IL2RB: variants seen among roughly 807,000 people sequenced by gnomAD.
IL2RB encodes the protein interleukin 2 receptor subunit beta.
In IL2RB, 17 loss-of-function variants were observed where a neutral mutation model predicts 44.2. That is an observed-to-expected ratio of 0.38 (90% CI 0.26 to 0.58). IL2RB has a LOEUF of 0.58. Among genes scored for constraint, IL2RB ranks in the 20% least tolerant of loss-of-function variants. IL2RB has a pLI of 0.63. For missense variants in IL2RB, 624 were observed against 685.5 expected, an observed-to-expected ratio of 0.91 and a Z score of 1.00; for synonymous variants, 286 against 297.9, an observed-to-expected ratio of 0.96 and a Z score of 0.41.
intron 1 of IL2RB, among the ~76,000 whole-genome samples, chr22:37,164,337 C>A (rs1922992448): frequency 4.6e-5 from 7 of 152,030 alleles, no homozygotes; most frequent in Admixed American, 4.6e-4. Flanking sequence ...GAGGAGGGGG[C>A]ACGGGGGTGC....
In IL2RB at chr22:37,128,908, C is replaced by A; in HGVS notation, c.904-60G>T. The A allele has an allele frequency of 6.5e-7, 1 of 1,529,498 alleles. No individual in the cohort carries two copies. Among genetic ancestry groups the A allele is most frequent in the South Asian group, 1.3e-5 (1 of 78,258 alleles). 94.7% of individuals were successfully genotyped at this position (1,529,498 alleles called of 1,614,324 possible). A position where few individuals can be genotyped will look rare whatever the true frequency, so the allele number is the denominator to read the frequency against. ...GGCTTCCTTCACCCTCCACCCCTTCCTCTGGACTCTCAACAGCTCCTAACT... is the reference window on the plus strand; with the variant it reads ...GGCTTCCTTCACCCTCCACCCCTTCATCTGGACTCTCAACAGCTCCTAACT... On this transcript the variant is annotated intron_variant, in intron 9 of 9. Coordinates refer to ENST00000216223, the MANE Select transcript of IL2RB (RefSeq NM_000878.5). This position sits in a 1 kb window ranked among gnomAD's most constrained non-coding sequence, Gnocchi z 4.5.
At position 37,126,362 on chromosome 22, in the gene IL2RB, C is replaced by G. The variant is rs1206601814; in HGVS notation, c.*1734G>C. 1 of 152,210 alleles carries G rather than the reference C, an allele frequency of 6.6e-6. No individual in the cohort carries two copies. The highest frequency in any genetic ancestry group is 2.4e-5 in the African/African-American group (1 of 41,458). The allele number at this position is 152,210 out of a possible 1,614,324, so 9.4% of individuals were successfully genotyped here. On this transcript the variant is annotated 3_prime_UTR_variant, in exon 10 of 10. Transcript: ENST00000216223. ...AATCCTGACCAAATGGTCAGCAGCC[C>G]TCTCAGCAGTAGGTATTTTTGTATT...
At chr22:37,130,767 ACATAGGCAAC>A (rs1441856202) in intron 9 of IL2RB, among the ~76,000 whole-genome samples, 11 of 152,254 alleles carry the variant, frequency 7.2e-5, no homozygotes, top group Non-Finnish European at 1.5e-4. Flanking sequence ...TGCTTCTGAC[ACATAGGCAAC>A]CATGGCTTGC....
chr22:37,148,927 G>A (rs1478959623), intron 1 of IL2RB, among the ~76,000 whole-genome samples: 1 of 152,054 alleles, frequency 6.6e-6, no homozygotes, highest in African/African-American at 2.4e-5. Flanking sequence ...TGGGGCCTAT[G>A]TCCCCTCGTC....
intron 1 of IL2RB, among the ~76,000 whole-genome samples, chr22:37,170,099 T>G (rs866069624): frequency 7.4e-6 from 1 of 134,576 alleles, no homozygotes; most frequent in African/African-American, 3.7e-5. Context: ...AATGGATGGA[T>G]GGATGGATGG....
At chr22:37,142,381 G>C (rs543644879) in intron 4 of IL2RB, 53 bp downstream of exon 4, 6 of 1,530,512 alleles carry the variant, frequency 3.9e-6, no homozygotes, top group Non-Finnish European at 5.4e-6. Context: ...ATCGCAGCCC[G>C]GAGCTGGGAG....
rs1313539282 is a variant in IL2RB at position 37,143,652 on chromosome 22, G to A, written c.89-17C>T. On this transcript the variant is annotated splice_polypyrimidine_tract_variant and intron_variant, in intron 2 of 9. Coordinates refer to ENST00000216223, the MANE Select transcript of IL2RB (RefSeq NM_000878.5). ...GGGAAGTGCCTGCCGGGCAAGATGA[G>A]GTGTGAGTGCTGACTGTAGGTGCCC... is the stretch of plus-strand genomic sequence containing the variant. The A allele has an allele frequency of 6.3e-7, 1 of 1,577,100 alleles. No homozygotes were observed. The highest frequency in any genetic ancestry group is 8.7e-7 in the Non-Finnish European group (1 of 1,146,700).
chr22:37,148,811 C>G (rs949872913), intron 1 of IL2RB, among the ~76,000 whole-genome samples: 7 of 152,100 alleles, frequency 4.6e-5, no homozygotes, highest in African/African-American at 1.7e-4. Context: ...TGGTCAGGTG[C>G]AGTTCGGGGC....
chr22:37,160,679 C>CAAAAAAAAAAAAAAAAAAAAAA (rs10605445), intron 1 of IL2RB, among the ~76,000 whole-genome samples: 11 of 136,004 alleles, frequency 8.1e-5, no homozygotes, highest in African/African-American at 2.9e-4. Context: ...CTGTCTATGC[C>CAAAAAAAAAAAAAAAAAAAAAA]AAAAAAAAAA....
intron 1 of IL2RB, among the ~76,000 whole-genome samples, chr22:37,172,304 C>T (rs1273080992): frequency 1.3e-5 from 2 of 151,962 alleles, no homozygotes; most frequent in African/African-American, 4.8e-5. Flanking sequence ...GCCAGGGTAG[C>T]CCCAGCTCCT....
intron 6 of IL2RB, 74 bp from the exon 7 acceptor site, chr22:37,136,467 C>CCA (rs1555896937): frequency 9.1e-5 from 106 of 1,163,664 alleles, no homozygotes; most frequent in East Asian, 5.1e-4. Context: ...CATCACAGAA[C>CCA]CCCCCCCCAA....
At chr22:37,139,459 C>T (rs1322476520) in intron 4 of IL2RB, among the ~76,000 whole-genome samples, 1 of 152,170 alleles carries the variant, frequency 6.6e-6, no homozygotes, top group Non-Finnish European at 1.5e-5. Flanking sequence ...CAGACGTAGG[C>T]AACATGTAAA....
intron 1 of IL2RB, among the ~76,000 whole-genome samples, chr22:37,163,209 C>A (rs1922943165): frequency 6.6e-6 from 1 of 152,144 alleles, no homozygotes; most frequent in African/African-American, 2.4e-5. Flanking sequence ...ACCTCAGGGA[C>A]GGGCAGACTC....
intron 6 of IL2RB, 94 bp from the exon 7 acceptor site, chr22:37,136,487 G>A (rs1207351355): frequency 7.8e-6 from 10 of 1,280,176 alleles, no homozygotes; most frequent in Non-Finnish European, 1.0e-5. Flanking sequence ...ACCCCTGCCA[G>A]CTGCACCCCC....
At chr22:37,139,080 A>T (rs1446825275) in intron 5 of IL2RB, 37 bp downstream of exon 5, 1 of 1,370,144 alleles carries the variant, frequency 7.3e-7, no homozygotes. Context: ...GGAGGTGCCC[A>T]GCCCTGCCCC....
intron 1 of IL2RB, among the ~76,000 whole-genome samples, chr22:37,145,942 G>A (rs1569047894): frequency 6.6e-6 from 1 of 152,056 alleles, no homozygotes; most frequent in Non-Finnish European, 1.5e-5. Context: ...GCTTCCCAGG[G>A]TCTTTCTCCA....
rs1340088164 is a variant in IL2RB, at chr22:37,141,325, T to A, written c.282+1109A>T. ...CAGCTGCAGCTACCCAAGTTGTGGC[T>A]GTGGACCCAGGCATCCCTGCACTCT... On this transcript the variant is annotated intron_variant, in intron 4 of 9. Transcript: ENST00000216223. The surrounding 1 kb of genome is among the most constrained non-coding windows in gnomAD (Gnocchi z 4.4). Among the ~76,000 whole-genome samples the A allele has an allele frequency of 6.6e-6, 1 of 152,114 alleles. No homozygotes were observed. Among genetic ancestry groups the A allele is most frequent in the African/African-American group, 2.4e-5 (1 of 41,428 alleles).
In IL2RB at chr22:37,144,203, G is replaced by T. The variant is rs987326901; in HGVS notation, c.-31C>A. The stretch of plus-strand genomic sequence containing the variant: ...CCACAGGGTGGAGCCGAGGAAGGAA[G>T]CCCTGGTGGGAGAGGAGAAAGAGAG... On this transcript the variant is annotated splice_region_variant and 5_prime_UTR_variant, in exon 2 of 10. Transcript: ENST00000216223. 7.8e-6 allele frequency: 12 copies of T among 1,544,842 alleles called. No homozygotes were observed. The African/African-American group carries it at 1.5e-4, about 19-fold the overall frequency.
rs551288070 is a variant in IL2RB at position 37,141,482 on chromosome 22, C to T, written c.282+952G>A. 9.2e-5 allele frequency among the ~76,000 whole-genome samples: 14 copies of T among 152,042 alleles called. No homozygotes were observed. The highest frequency in any genetic ancestry group is 1.5e-4 in the Non-Finnish European group (10 of 67,980). On this transcript the variant is annotated intron_variant, in intron 4 of 9. Coordinates refer to ENST00000216223, the MANE Select transcript of IL2RB (RefSeq NM_000878.5). The surrounding 1 kb of genome is among the most constrained non-coding windows in gnomAD (Gnocchi z 4.4). ...GTCGGGGCTACGCACTCTGTGGATCCAGTGTGAGTCGGGGACAAGCGGGAC... is the reference window on the plus strand; with the variant it reads ...GTCGGGGCTACGCACTCTGTGGATCTAGTGTGAGTCGGGGACAAGCGGGAC...
Sources: allele counts gnomAD v4.1 joint callset (sites outside exome capture counted in the v4.1 genomes callset), GRCh38; gene constraint gnomAD v4.1.1; non-coding constraint Gnocchi (gnomAD v3.1); transcripts MANE v1.5; gene names NCBI Gene and HGNC (gene_info 2026-07-23, HGNC 2026-07-21).